SLC7A8: variants seen among roughly 807,000 people sequenced by gnomAD.
SLC7A8 encodes large neutral amino acids transporter small subunit 2.
Under a neutral mutation model 51.2 loss-of-function variants are expected in SLC7A8, and 30 were observed. The ratio of observed to expected loss-of-function variants is 0.59; its 90% confidence interval spans 0.44 to 0.80. The LOEUF (loss-of-function observed/expected upper bound fraction) is 0.80, where lower values mean the gene tolerates loss of function less well. Ranked by LOEUF, SLC7A8 falls within the 30% of genes least tolerant of loss-of-function variation. The probability of loss-of-function intolerance (pLI) is 0.00; values close to 1 mark genes in which losing one functional copy is unlikely to be tolerated. For missense variants in SLC7A8, 612 were observed against 674.4 expected, an observed-to-expected ratio of 0.91 and a Z score of 1.03; for synonymous variants, 257 against 275.8, an observed-to-expected ratio of 0.93 and a Z score of 0.67.
intron 3 of SLC7A8, among the ~76,000 whole-genome samples, chr14:23,147,487 TAGG>T (rs1293305158): frequency 6.6e-6 from 1 of 152,164 alleles, no homozygotes; most frequent in Non-Finnish European, 1.5e-5. Context: ...ATGCCTTCTA[TAGG>T]AGGAGGAGAC....
intron 3 of SLC7A8, among the ~76,000 whole-genome samples, chr14:23,149,245 G>GCCTT (rs2048825790): frequency 6.6e-6 from 1 of 152,176 alleles, no homozygotes. Context: ...GTAGCAAACA[G>GCCTT]CCTTGCCTTG....
At chr14:23,174,462 A>C in intron 1 of SLC7A8, among the ~76,000 whole-genome samples, 1 of 152,264 alleles carries the variant, frequency 6.6e-6, no homozygotes. Context: ...GGATATTTAA[A>C]GCAGGGAGCA....
intron 1 of SLC7A8, among the ~76,000 whole-genome samples, chr14:23,177,078 A>T (rs1876959592): frequency 6.6e-6 from 1 of 152,240 alleles, no homozygotes; most frequent in African/African-American, 2.4e-5. Context: ...ATATACCAAG[A>T]TCCCCCAAAA....
chr14:23,137,790 C>A, intron 7 of SLC7A8, 131 bp downstream of exon 7: 2 of 1,137,606 alleles, frequency 1.8e-6, no homozygotes, highest in Non-Finnish European at 2.5e-6. Context: ...TGTGAGCAGT[C>A]ACCCCTCTGC....
At position 23,183,053 on chromosome 14, in the gene SLC7A8, C is replaced by A. The variant is rs965350719; in HGVS notation, c.-139G>T. 1 of 858,616 alleles carries A rather than the reference C, an allele frequency of 1.2e-6. No homozygotes were observed. Among genetic ancestry groups the A allele is most frequent in the South Asian group, 1.8e-5 (1 of 56,046 alleles). 53.2% of individuals were successfully genotyped at this position (858,616 alleles called of 1,614,324 possible). A position where few individuals can be genotyped will look rare whatever the true frequency, so the allele number is the denominator to read the frequency against. On this transcript the variant is annotated 5_prime_UTR_variant, in exon 1 of 11. Transcript: ENST00000316902. ...ACTGCTACTCTCTAAAAAAGGCAAG[C>A]AGATAAAAGAGAACACGAAAAATAT...
chr14:23,134,606 G>A (rs898289324), intron 7 of SLC7A8, among the ~76,000 whole-genome samples: 1 of 152,066 alleles, frequency 6.6e-6, no homozygotes, highest in Non-Finnish European at 1.5e-5. Context: ...CACCCAGGCT[G>A]GAGTAGAGTG....
chr14:23,138,132 TTC>T, intron 6 of SLC7A8, 108 bp from the exon 7 acceptor site: 2 of 1,353,396 alleles, frequency 1.5e-6, no homozygotes, highest in Non-Finnish European at 2.0e-6. Flanking sequence ...CCCTTGCTAA[TTC>T]TCTCTCGCCA....
At chr14:23,129,475 T>G in intron 9 of SLC7A8, 175 bp downstream of exon 9, 2 of 650,782 alleles carry the variant, frequency 3.1e-6, no homozygotes, top group East Asian at 2.8e-5. Context: ...TCATCCCCAG[T>G]GGAGAATGGA....
At chr14:23,153,424 C>T (rs959183687) in intron 3 of SLC7A8, among the ~76,000 whole-genome samples, 3 of 152,146 alleles carry the variant, frequency 2.0e-5, no homozygotes, top group African/African-American at 7.2e-5. Flanking sequence ...TTCCCTTGGC[C>T]GCTCCCACAT....
At chr14:23,163,256 G>GC (rs2140333407) in intron 3 of SLC7A8, among the ~76,000 whole-genome samples, 1 of 152,238 alleles carries the variant, frequency 6.6e-6, no homozygotes, top group South Asian at 2.1e-4. Context: ...ACGACCTCTT[G>GC]AGGCAGCTAG....
chr14:23,137,462 C>T (rs1594821217), intron 7 of SLC7A8, among the ~76,000 whole-genome samples: 1 of 152,148 alleles, frequency 6.6e-6, no homozygotes, highest in Non-Finnish European at 1.5e-5. Flanking sequence ...AGTTCCAGAA[C>T]ATTCATGGGA....
intron 10 of SLC7A8, 101 bp from the exon 11 acceptor site, chr14:23,127,444 C>T: frequency 7.2e-7 from 1 of 1,398,566 alleles, no homozygotes; most frequent in Non-Finnish European, 9.9e-7. Flanking sequence ...CCAGGTTCTG[C>T]CTCTTCAGAG....
rs940788703 is a variant in SLC7A8 at position 23,178,358 on chromosome 14, C to T, written c.151+4406G>A. ...TTTCCTTAGCCAAGTACATGGAGAA[C>T]AAAAGCCTGATTAGGTTAGGACAAG... On this transcript the variant is annotated intron_variant, in intron 1 of 10. Transcript: ENST00000316902. Among the ~76,000 whole-genome samples, 5 of 152,074 alleles carry T rather than the reference C, an allele frequency of 3.3e-5. No individual in the cohort carries two copies. In the East Asian group the frequency reaches 7.7e-4, roughly 23 times the overall value.
intron 3 of SLC7A8, among the ~76,000 whole-genome samples, chr14:23,157,302 C>G (rs2048898981): frequency 6.6e-6 from 1 of 152,198 alleles, no homozygotes; most frequent in African/African-American, 2.4e-5. Context: ...TTCTCTACTC[C>G]CACTGCCCCA....
At chr14:23,141,503 G>T (rs1233702792) in intron 4 of SLC7A8, among the ~76,000 whole-genome samples, 1 of 152,194 alleles carries the variant, frequency 6.6e-6, no homozygotes, top group Non-Finnish European at 1.5e-5. Flanking sequence ...AGGCTGGAGT[G>T]CAGTGGCGCG....
intron 3 of SLC7A8, among the ~76,000 whole-genome samples, chr14:23,161,990 T>C (rs2048926429): frequency 7.5e-6 from 1 of 133,532 alleles, no homozygotes; most frequent in South Asian, 2.4e-4. Context: ...TTTTACTGAA[T>C]ACCGTATGAG....
At chr14:23,163,982 G>A (rs1241929775) in intron 3 of SLC7A8, among the ~76,000 whole-genome samples, 1 of 149,460 alleles carries the variant, frequency 6.7e-6, no homozygotes, top group Non-Finnish European at 1.5e-5. Context: ...TTTTTTTAGA[G>A]ACAGGATCTC....
At chr14:23,180,165 C>CA (rs1354260043) in intron 1 of SLC7A8, among the ~76,000 whole-genome samples, 1 of 152,186 alleles carries the variant, frequency 6.6e-6, no homozygotes, top group African/African-American at 2.4e-5. Flanking sequence ...CTTGGCCTCC[C>CA]AAAGTGCTGG....
Position 23,183,037 on chromosome 14 carries a change from C to CCTG in SLC7A8, c.-124_-123insCAG. ...TTCCGAAATAGGAACCACTGCTACT[C>CCTG]TCTAAAAAAGGCAAGCAGATAAAAG... On this transcript the variant is annotated 5_prime_UTR_variant, in exon 1 of 11. Coordinates refer to ENST00000316902, the MANE Select transcript of SLC7A8 (RefSeq NM_012244.4). 1 of 1,180,806 alleles carries CCTG rather than the reference C, an allele frequency of 8.5e-7. No homozygotes were observed. The highest frequency in any genetic ancestry group is 1.3e-5 in the South Asian group (1 of 74,430). 73.1% of individuals were successfully genotyped at this position (1,180,806 alleles called of 1,614,324 possible). A position where few individuals can be genotyped will look rare whatever the true frequency, so the allele number is the denominator to read the frequency against.
Sources: gnomAD v4.1 joint callset for allele counts (sites outside exome capture counted in the v4.1 genomes callset) on GRCh38, gnomAD v4.1.1 for gene constraint, MANE v1.5 for transcripts, NCBI Gene and HGNC (gene_info 2026-07-23, HGNC 2026-07-21) for gene names.